Variants in PPP1R1C observed in about 807,000 individuals in gnomAD.
PPP1R1C encodes the protein protein phosphatase 1 regulatory subunit 1C.
In PPP1R1C, 15 loss-of-function variants were observed where a neutral mutation model predicts 17.4. The ratio of observed to expected loss-of-function variants is 0.86; its 90% CI spans 0.58 to 1.33. The LOEUF (loss-of-function observed/expected upper bound fraction) is 1.33. Ranked by LOEUF, PPP1R1C falls within the 40% of genes most tolerant of loss-of-function variation. PPP1R1C has a pLI of 0.00. For missense variants in PPP1R1C, 143 were observed against 130.0 expected, an observed-to-expected ratio of 1.10 and a Z score of -0.48; for synonymous variants, 35 against 43.1, an observed-to-expected ratio of 0.81 and a Z score of 0.73.
intron 2 of PPP1R1C, among the ~76,000 whole-genome samples, chr2:182,006,581 T>C (rs1381227485): frequency 2.6e-5 from 4 of 152,228 alleles, no homozygotes; most frequent in Non-Finnish European, 5.9e-5. Context: ...CATGGATCAA[T>C]TGAAAATTCT....
In PPP1R1C at chr2:181,976,290, C is replaced by G. The variant is rs571756847; in HGVS notation, n.157+1026C>G. Among the ~76,000 whole-genome samples, 396 of 152,016 alleles carry G rather than the reference C, an allele frequency of 2.6e-3. 1 individual carries two copies. Among genetic ancestry groups the G allele is most frequent in the Non-Finnish European group, 4.4e-3 (300 of 67,918 alleles). On this transcript the variant is annotated intron_variant and non_coding_transcript_variant, in intron 2 of 5. Transcript: ENST00000464264. This position sits in a 1 kb window ranked among gnomAD's most constrained non-coding sequence, Gnocchi z 4.8. ...GATACAAATCTATAATGAAATTATA[C>G]TAGATACAGCTATACTATTTAAACA... is the stretch of plus-strand genomic sequence containing the variant.
chr2:182,045,609 T>C (rs1201596500), intron 2 of PPP1R1C, among the ~76,000 whole-genome samples: 8 of 152,094 alleles, frequency 5.3e-5, no homozygotes, highest in Admixed American at 5.2e-4. Flanking sequence ...GTTTTCCTCT[T>C]GTTATACAGA....
chr2:182,086,429 T>C (rs192265415), intron 4 of PPP1R1C, among the ~76,000 whole-genome samples: 106 of 152,286 alleles, frequency 7.0e-4, no homozygotes, highest in African/African-American at 2.3e-3. Context: ...CACTCATGCA[T>C]TGTTACAGAA....
intron 2 of PPP1R1C, among the ~76,000 whole-genome samples, chr2:181,980,575 T>C (rs879639144): frequency 1.3e-5 from 2 of 152,190 alleles, no homozygotes; most frequent in Non-Finnish European, 2.9e-5. Flanking sequence ...GCCTCGGCTC[T>C]ACAAATCTCT....
intron 1 of PPP1R1C, 66 bp downstream of exon 1, chr2:181,986,257 T>A: frequency 1.6e-6 from 2 of 1,230,140 alleles, no homozygotes; most frequent in Non-Finnish European, 2.4e-6. Flanking sequence ...TTCTGGTTAT[T>A]AATTGAAAGG....
At position 181,967,222 on chromosome 2, in the gene PPP1R1C, G is replaced by T. The variant is rs1397766855; in HGVS notation, n.112-7997G>T. 1.3e-5 allele frequency among the ~76,000 whole-genome samples: 2 copies of T among 151,984 alleles called. No homozygotes were observed. The highest frequency in any genetic ancestry group is 4.8e-5 in the African/African-American group (2 of 41,416). On this transcript the variant is annotated intron_variant and non_coding_transcript_variant, in intron 1 of 5. Transcript: ENST00000464264. This position sits in a 1 kb window ranked among gnomAD's most constrained non-coding sequence, Gnocchi z 5.5. Reference sequence around the variant, plus strand: ...TGTTAGTAAGTCTGGCTAAAAGTTTGTTGGTTTTATCTTTTCAAAAAACCA... The same window carrying T: ...TGTTAGTAAGTCTGGCTAAAAGTTTTTTGGTTTTATCTTTTCAAAAAACCA...
chr2:182,070,200 G>T (rs1463401705), intron 4 of PPP1R1C, among the ~76,000 whole-genome samples: 1 of 152,210 alleles, frequency 6.6e-6, no homozygotes, highest in African/African-American at 2.4e-5. Flanking sequence ...AGTCTGGAGA[G>T]TAAAATGGAC....
chr2:182,126,927 G>T (rs971728946), intron 5 of PPP1R1C, among the ~76,000 whole-genome samples: 4 of 151,972 alleles, frequency 2.6e-5, no homozygotes, highest in Non-Finnish European at 5.9e-5. Flanking sequence ...AATGATATTG[G>T]ATTCATCTTT....
At chr2:181,997,909 G>T (rs977163411) in intron 2 of PPP1R1C, among the ~76,000 whole-genome samples, 7 of 152,044 alleles carry the variant, frequency 4.6e-5, no homozygotes, top group Non-Finnish European at 5.9e-5. Flanking sequence ...ATCATCTCTG[G>T]CTCCTCTATC....
intron 2 of PPP1R1C, among the ~76,000 whole-genome samples, chr2:182,016,014 G>A (rs1686254381): frequency 1.3e-5 from 2 of 152,044 alleles, no homozygotes; most frequent in African/African-American, 4.8e-5. Context: ...CAGTCTTTGT[G>A]GCCTAGATTG....
At chr2:182,018,498 G>A (rs1385381449) in intron 2 of PPP1R1C, among the ~76,000 whole-genome samples, 1 of 152,194 alleles carries the variant, frequency 6.6e-6, no homozygotes, top group Non-Finnish European at 1.5e-5. Flanking sequence ...GAAAATCATG[G>A]AGGGAGACCT....
chr2:181,996,705 GT>G, intron 2 of PPP1R1C, among the ~76,000 whole-genome samples: 1 of 152,172 alleles, frequency 6.6e-6, no homozygotes, highest in South Asian at 2.1e-4. Flanking sequence ...AATCTTTCAT[GT>G]TTTTTTCATT....
intron 2 of PPP1R1C, among the ~76,000 whole-genome samples, chr2:182,000,299 C>T (rs1162744466): frequency 6.6e-6 from 1 of 152,126 alleles, no homozygotes; most frequent in South Asian, 2.1e-4. Context: ...GGGATAGAAA[C>T]GGGGTTGGTC....
chr2:182,077,895 C>A (rs1321694629), intron 4 of PPP1R1C, among the ~76,000 whole-genome samples: 1 of 152,172 alleles, frequency 6.6e-6, no homozygotes, highest in Admixed American at 6.5e-5. Context: ...AGAAGTGGAA[C>A]CCTTGCCGGG....
At position 181,991,721 on chromosome 2, in the gene PPP1R1C, C is replaced by T. The variant is rs187040468; in HGVS notation, c.142+3822C>T. On this transcript the variant is annotated intron_variant, in intron 2 of 4. Coordinates refer to ENST00000682840, the MANE Select transcript of PPP1R1C (RefSeq NM_001080545.3). ...GAGTGACCTTTGTAGCAAACTGCCT[C>T]TCTGTATTTTCAGTTCCTCTTCTGA... Among the ~76,000 whole-genome samples, 103 of 152,258 alleles carry T rather than the reference C, an allele frequency of 6.8e-4. No homozygotes were observed. In the East Asian group the frequency reaches 0.015, roughly 23 times the overall value.
chr2:182,070,275 G>A lies in PPP1R1C; in HGVS notation c.241+6484G>A, dbSNP rs146356783. 4.9e-4 allele frequency among the ~76,000 whole-genome samples: 75 copies of A among 152,330 alleles called. No individual in the cohort carries two copies. In the East Asian group the frequency reaches 0.014, roughly 27 times the overall value. ...TCATTCCTCCTGCTCATGCACACTT[G>A]TGAAGCATTTAAGATGATGCTGTAA... On this transcript the variant is annotated intron_variant, in intron 4 of 4. Coordinates refer to ENST00000682840, the MANE Select transcript of PPP1R1C (RefSeq NM_001080545.3).
chr2:182,006,256 G>C (rs747489402), intron 2 of PPP1R1C, among the ~76,000 whole-genome samples: 1 of 152,110 alleles, frequency 6.6e-6, no homozygotes, highest in African/African-American at 2.4e-5. Flanking sequence ...ATGATATATG[G>C]AAGTGAGGCT....
chr2:182,010,462 A>G (rs1686057507), intron 2 of PPP1R1C, among the ~76,000 whole-genome samples: 1 of 152,058 alleles, frequency 6.6e-6, no homozygotes, highest in Non-Finnish European at 1.5e-5. Flanking sequence ...TGATGTTTGT[A>G]TGTTAATATT....
intron 4 of PPP1R1C, among the ~76,000 whole-genome samples, chr2:182,078,071 T>A (rs542598283): frequency 3.3e-5 from 5 of 152,148 alleles, no homozygotes; most frequent in Admixed American, 3.3e-4. Flanking sequence ...TCCCAGCTAC[T>A]CCGGAGTCTG....
Sources: gnomAD v4.1 joint callset for allele counts (sites outside exome capture counted in the v4.1 genomes callset) on GRCh38, gnomAD v4.1.1 for gene constraint, Gnocchi (gnomAD v3.1) non-coding constraint, MANE v1.5 for transcripts, NCBI Gene and HGNC (gene_info 2026-07-23, HGNC 2026-07-21) for gene names.